Variants in ZFYVE9 observed in about 807,000 individuals in gnomAD.
The protein encoded by ZFYVE9 is zinc finger FYVE-type containing 9.
In ZFYVE9, 43 loss-of-function variants were observed where a neutral mutation model predicts 126.7. The observed-to-expected ratio is 0.34, with a 90% CI of 0.27 to 0.44. The LOEUF (loss-of-function observed/expected upper bound fraction) is 0.44. ZFYVE9 is among the 20% of genes least tolerant of loss of function. The probability of loss-of-function intolerance (pLI) is 1.00; values close to 1 mark genes in which losing one functional copy is unlikely to be tolerated. For synonymous variants in ZFYVE9, 521 were observed against 597.4 expected, an observed-to-expected ratio of 0.87 and a Z score of 1.87; for missense variants, 1,476 against 1,697.0, an observed-to-expected ratio of 0.87 and a Z score of 2.29.
At chr1:52,299,477 C>G (rs1646011807) in intron 12 of ZFYVE9, among the ~76,000 whole-genome samples, 1 of 152,178 alleles carries the variant, frequency 6.6e-6, no homozygotes, top group Non-Finnish European at 1.5e-5. Context: ...ATGTCTTGTT[C>G]CTGTTCTTTG....
intron 10 of ZFYVE9, among the ~76,000 whole-genome samples, chr1:52,285,719 T>C (rs1008131722): frequency 1.3e-5 from 2 of 152,106 alleles, no homozygotes; most frequent in African/African-American, 4.8e-5. Context: ...CATATTACAA[T>C]GTAATAATAG....
intron 12 of ZFYVE9, among the ~76,000 whole-genome samples, chr1:52,303,213 C>T (rs1338589493): frequency 1.3e-5 from 2 of 152,144 alleles, no homozygotes; most frequent in Admixed American, 6.5e-5. Context: ...ATTCTTCCTC[C>T]CTTACCACCT....
chr1:52,243,861 A>C (rs1015741330), intron 4 of ZFYVE9, among the ~76,000 whole-genome samples: 1 of 152,080 alleles, frequency 6.6e-6, no homozygotes, highest in African/African-American at 2.4e-5. Flanking sequence ...GGAGTGGATG[A>C]GATTACCAAG....
At chr1:52,211,811 C>A (rs1348565627) in intron 1 of ZFYVE9, among the ~76,000 whole-genome samples, 3 of 152,110 alleles carry the variant, frequency 2.0e-5, no homozygotes, top group Non-Finnish European at 4.4e-5. Context: ...ATTTTATTTT[C>A]TTTTTTAAAA....
chr1:52,180,226 A>C, intron 1 of ZFYVE9: 1 of 1,603,356 alleles, frequency 6.2e-7, no homozygotes, highest in Non-Finnish European at 8.5e-7. Flanking sequence ...GCCCTGATAA[A>C]TCAGCACCTC....
At chr1:52,182,972 C>G (rs1644728518) in intron 1 of ZFYVE9, among the ~76,000 whole-genome samples, 1 of 151,824 alleles carries the variant, frequency 6.6e-6, no homozygotes, top group South Asian at 2.1e-4. Context: ...AATAAGGTGT[C>G]TATTAGGATT....
chr1:52,215,568 G>A (rs746156049), intron 1 of ZFYVE9, among the ~76,000 whole-genome samples: 19 of 152,122 alleles, frequency 1.2e-4, no homozygotes, highest in Non-Finnish European at 2.5e-4. Flanking sequence ...AGATACTTAC[G>A]TGTTCTGAAA....
intron 1 of ZFYVE9, among the ~76,000 whole-genome samples, chr1:52,210,094 C>T (rs916060404): frequency 6.6e-6 from 1 of 151,984 alleles, no homozygotes. Context: ...ACTTGATGTT[C>T]GATTGAATGT....
chr1:52,269,252 C>T (rs1359266262), intron 7 of ZFYVE9, among the ~76,000 whole-genome samples: 1 of 152,078 alleles, frequency 6.6e-6, no homozygotes, highest in Non-Finnish European at 1.5e-5. Flanking sequence ...GCCTCAGCCT[C>T]CAAAGTAGGT....
At chr1:52,253,408 A>AT (rs1440036200) in intron 4 of ZFYVE9, among the ~76,000 whole-genome samples, 1 of 152,242 alleles carries the variant, frequency 6.6e-6, no homozygotes, top group African/African-American at 2.4e-5. Context: ...AGAAATTAAA[A>AT]TTTTTAAAAT....
chr1:52,287,089 T>C (rs1645868753), intron 10 of ZFYVE9, among the ~76,000 whole-genome samples: 1 of 152,132 alleles, frequency 6.6e-6, no homozygotes, highest in African/African-American at 2.4e-5. Context: ...ATTTTTAATT[T>C]AATTAATTTA....
intron 13 of ZFYVE9, among the ~76,000 whole-genome samples, chr1:52,330,030 AAC>A (rs1646326242): frequency 6.6e-6 from 1 of 151,760 alleles, no homozygotes; most frequent in Non-Finnish European, 1.5e-5. Flanking sequence ...TGGATAACAT[AAC>A]ATAACATAAC....
chr1:52,148,853 G>A lies in ZFYVE9; in HGVS notation c.-143+6450G>A, dbSNP rs1644328128. 2.6e-5 allele frequency among the ~76,000 whole-genome samples: 4 copies of A among 150,990 alleles called. No individual in the cohort carries two copies. In the South Asian group the frequency reaches 8.4e-4, roughly 32 times the overall value. ...GACGGGATTTCACCATGTTGGCCAG[G>A]CCGGTCTCAAACTGACCTCAAGTGA... On this transcript the variant is annotated intron_variant, in intron 1 of 18. Coordinates refer to ENST00000287727, the MANE Select transcript of ZFYVE9 (RefSeq NM_004799.4).
At chr1:52,309,029 T>C (rs1442884500) in intron 13 of ZFYVE9, among the ~76,000 whole-genome samples, 1 of 152,218 alleles carries the variant, frequency 6.6e-6, no homozygotes, top group Non-Finnish European at 1.5e-5. Context: ...CTCTAGAGGA[T>C]GAATAGAATA....
intron 13 of ZFYVE9, among the ~76,000 whole-genome samples, chr1:52,320,498 G>A (rs772937462): frequency 6.6e-5 from 10 of 152,314 alleles, no homozygotes; most frequent in Middle Eastern, 3.4e-3. Flanking sequence ...TAGCTTTTCC[G>A]TAAAGATGCC....
At chr1:52,270,509 C>A (rs1395129890) in intron 7 of ZFYVE9, among the ~76,000 whole-genome samples, 4 of 152,164 alleles carry the variant, frequency 2.6e-5, no homozygotes, top group Non-Finnish European at 5.9e-5. Context: ...CCTGATCTGC[C>A]CTCCTTGGCC....
chr1:52,286,767 AT>A (rs1363709547), intron 10 of ZFYVE9, among the ~76,000 whole-genome samples: 1 of 152,204 alleles, frequency 6.6e-6, no homozygotes, highest in Non-Finnish European at 1.5e-5. Flanking sequence ...TGCCTTTAGA[AT>A]AAACTGTGCT....
chr1:52,325,116 A>G (rs1042905966), intron 13 of ZFYVE9, among the ~76,000 whole-genome samples: 2 of 152,120 alleles, frequency 1.3e-5, no homozygotes, highest in Non-Finnish European at 2.9e-5. Context: ...TATCTCTACT[A>G]AAAATACAAA....
intron 1 of ZFYVE9, chr1:52,180,617 A>G: frequency 1.9e-6 from 1 of 528,090 alleles, no homozygotes; most frequent in South Asian, 2.2e-5. Context: ...AGGATAAAGT[A>G]AGAATGAATT....
Sources: gnomAD v4.1 joint callset for allele counts (sites outside exome capture counted in the v4.1 genomes callset) on GRCh38, gnomAD v4.1.1 for gene constraint, MANE v1.5 for transcripts, NCBI Gene and HGNC (gene_info 2026-07-23, HGNC 2026-07-21) for gene names.